MGMT: variants seen among roughly 807,000 people sequenced by gnomAD.
MGMT encodes the protein methylated-DNA--protein-cysteine methyltransferase.
Under a neutral mutation model 15.9 loss-of-function variants are expected in MGMT, and 14 were observed. The observed-to-expected ratio is 0.88, with a 90% CI of 0.58 to 1.37. The LOEUF (loss-of-function observed/expected upper bound fraction) is 1.37, where lower values mean the gene tolerates loss of function less well. Among genes scored for constraint, MGMT ranks in the 40% most tolerant of loss-of-function variants. The pLI, the probability that MGMT is intolerant of heterozygous loss-of-function variation, is 0.00. For synonymous variants in MGMT, 130 were observed against 118.2 expected (o/e 1.10, Z -0.65); for missense variants, 282 against 268.1 (o/e 1.05, Z -0.36).
chr10:129,530,110 C>T (rs1210125042), intron 1 of MGMT, among the ~76,000 whole-genome samples: 1 of 152,088 alleles, frequency 6.6e-6, no homozygotes, highest in Non-Finnish European at 1.5e-5. Flanking sequence ...GCCACATTGC[C>T]CAGACTGGTC....
At chr10:129,709,329 A>G (rs1031810925) in intron 3 of MGMT, among the ~76,000 whole-genome samples, 2 of 152,216 alleles carry the variant, frequency 1.3e-5, no homozygotes, top group East Asian at 1.9e-4. Context: ...CAGTGAGCCA[A>G]TTAGACGGTG....
rs998781301 is a variant in MGMT, at chr10:129,533,031, G to C, written c.-12-3210G>C. Reference sequence around the variant, plus strand: ...GGCTCCTGCCTGGGACTCGAATCGGGAGCAGGTCCCACGGAGGCAGAGCAG... The same window carrying C: ...GGCTCCTGCCTGGGACTCGAATCGGCAGCAGGTCCCACGGAGGCAGAGCAG... On this transcript the variant is annotated intron_variant, in intron 1 of 4. Transcript: ENST00000651593. This position sits in a 1 kb window ranked among gnomAD's most constrained non-coding sequence, Gnocchi z 4.5. 1.3e-5 allele frequency among the ~76,000 whole-genome samples: 2 copies of C among 152,222 alleles called. No homozygotes were observed. Among genetic ancestry groups the C allele is most frequent in the African/African-American group, 2.4e-5 (1 of 41,472 alleles).
At chr10:129,527,164 G>A (rs142236007) in intron 1 of MGMT, among the ~76,000 whole-genome samples, 120 of 152,298 alleles carry the variant, frequency 7.9e-4, no homozygotes, top group African/African-American at 2.8e-3. Flanking sequence ...CTGTGTTGTC[G>A]TCCCTGTGCA....
Position 129,467,285 on chromosome 10 carries a change from G to T in MGMT, c.-24G>T, listed in dbSNP as rs758310217. 4 of 1,531,602 alleles carry T rather than the reference G, an allele frequency of 2.6e-6. No homozygotes were observed. In the South Asian group the frequency reaches 4.8e-5, roughly 18 times the overall value. 94.9% of individuals were successfully genotyped at this position (1,531,602 alleles called of 1,614,324 possible). A position where few individuals can be genotyped will look rare whatever the true frequency, so the allele number is the denominator to read the frequency against. ...CCCGCAGGTCCTCGCGGTGCGCACC[G>T]TTTGCGACTTGGTGAGTGTCTGGGT... is the stretch of plus-strand genomic sequence containing the variant. On this transcript the variant is annotated 5_prime_UTR_variant, in exon 1 of 5. Coordinates refer to ENST00000651593, the MANE Select transcript of MGMT (RefSeq NM_002412.5).
At chr10:129,490,466 G>A (rs1845458273) in intron 1 of MGMT, among the ~76,000 whole-genome samples, 1 of 149,976 alleles carries the variant, frequency 6.7e-6, no homozygotes, top group Non-Finnish European at 1.5e-5. Flanking sequence ...CAAACTAGTG[G>A]TTTAATTGTT....
In MGMT at chr10:129,556,235, GTTGAAGTCCTCA is replaced by G. The variant is rs1213580718; in HGVS notation, c.125+19860_125+19871del. Among the ~76,000 whole-genome samples the G allele has an allele frequency of 6.6e-6, 1 of 152,174 alleles. No individual in the cohort carries two copies. The highest frequency in any genetic ancestry group is 2.4e-5 in the African/African-American group (1 of 41,428). ...AGCACGTGGCCCCCAAAATTTAGGT[GTTGAAGTCCTCA>G]TCCTCAGAACCTCTGGATGTGACAG... is the stretch of plus-strand genomic sequence containing the variant. On this transcript the variant is annotated intron_variant, in intron 2 of 4. Coordinates refer to ENST00000651593, the MANE Select transcript of MGMT (RefSeq NM_002412.5). The surrounding 1 kb of genome is among the most constrained non-coding windows in gnomAD (Gnocchi z 4.3).
chr10:129,600,338 G>A (rs1188236936), intron 2 of MGMT, among the ~76,000 whole-genome samples: 1 of 152,208 alleles, frequency 6.6e-6, no homozygotes, highest in Non-Finnish European at 1.5e-5. Flanking sequence ...CACATGGGAA[G>A]GAGACTGTGG....
chr10:129,489,472 G>A (rs1241304731), intron 1 of MGMT, among the ~76,000 whole-genome samples: 3 of 149,934 alleles, frequency 2.0e-5, no homozygotes, highest in East Asian at 2.0e-4. Context: ...TCATCCATTC[G>A]CATTTCACAA....
chr10:129,573,963 T>G (rs917005274), intron 2 of MGMT, among the ~76,000 whole-genome samples: 3 of 152,246 alleles, frequency 2.0e-5, no homozygotes, highest in African/African-American at 7.2e-5. Flanking sequence ...GAAGGCAGAA[T>G]GATCTAACCC....
intron 2 of MGMT, among the ~76,000 whole-genome samples, chr10:129,588,479 C>CT (rs1334479864): frequency 6.6e-6 from 1 of 152,184 alleles, no homozygotes; most frequent in Non-Finnish European, 1.5e-5. Context: ...TCTTTCCTCC[C>CT]TTTTTTATTG....
chr10:129,485,118 T>C (rs1247567864), intron 1 of MGMT, among the ~76,000 whole-genome samples: 3 of 152,138 alleles, frequency 2.0e-5, no homozygotes, highest in Non-Finnish European at 2.9e-5. Context: ...TCAGGAATTA[T>C]TTGGGCTGCT....
At chr10:129,524,626 C>G (rs1351620716) in intron 1 of MGMT, among the ~76,000 whole-genome samples, 2 of 120,674 alleles carry the variant, frequency 1.7e-5, no homozygotes, top group East Asian at 5.6e-4. Context: ...GAGTCTCGCT[C>G]TGTCGCCCAG....
intron 2 of MGMT, among the ~76,000 whole-genome samples, chr10:129,637,403 C>G (rs1433376894): frequency 2.6e-5 from 4 of 152,176 alleles, no homozygotes; most frequent in Admixed American, 1.3e-4. Flanking sequence ...GATCATGCTT[C>G]AGGATATATG....
chr10:129,736,813 T>C (rs1845559834), intron 3 of MGMT, among the ~76,000 whole-genome samples: 1 of 152,028 alleles, frequency 6.6e-6, no homozygotes. Flanking sequence ...TCTCCTTCAC[T>C]TAAGAAGCTT....
chr10:129,729,465 C>T (rs967791913), intron 3 of MGMT, among the ~76,000 whole-genome samples: 1 of 152,188 alleles, frequency 6.6e-6, no homozygotes, highest in African/African-American at 2.4e-5. Context: ...TGCCTCTCGT[C>T]CTCATTTGAA....
chr10:129,468,263 T>G (rs752461494), intron 1 of MGMT, among the ~76,000 whole-genome samples: 2 of 152,158 alleles, frequency 1.3e-5, no homozygotes, highest in Non-Finnish European at 2.9e-5. Flanking sequence ...CTCTGGGAGA[T>G]GAACAAGATT....
intron 2 of MGMT, among the ~76,000 whole-genome samples, chr10:129,686,831 A>T (rs769397808): frequency 6.6e-6 from 1 of 152,250 alleles, no homozygotes; most frequent in Non-Finnish European, 1.5e-5. Context: ...GAGAGAAGTG[A>T]GAACAGAACG....
Position 129,637,002 on chromosome 10 carries a change from T to C in MGMT, c.126-70893T>C, listed in dbSNP as rs184903244. Among the ~76,000 whole-genome samples, 51 of 152,364 alleles carry C rather than the reference T, an allele frequency of 3.3e-4. 1 individual carries two copies. The highest frequency in any genetic ancestry group is 1.0e-3 in the African/African-American group (43 of 41,598). On this transcript the variant is annotated intron_variant, in intron 2 of 4. Transcript: ENST00000651593. ...TAAACCTGTTGGATTTTCCAAGGGT[T>C]GCTTCTCTTGAATAAAGGTGTTTTT...
intron 2 of MGMT, among the ~76,000 whole-genome samples, chr10:129,680,612 G>A (rs1203514763): frequency 1.4e-5 from 2 of 142,602 alleles, no homozygotes; most frequent in Non-Finnish European, 3.2e-5. Context: ...GGAAGGTTCA[G>A]GAATTCTACC....
Sources: allele counts gnomAD v4.1 joint callset (sites outside exome capture counted in the v4.1 genomes callset), GRCh38; gene constraint gnomAD v4.1.1; non-coding constraint Gnocchi (gnomAD v3.1); transcripts MANE v1.5; gene names NCBI Gene and HGNC (gene_info 2026-07-23, HGNC 2026-07-21).